Variants in CCDC171 observed in about 807,000 individuals in gnomAD.
CCDC171 encodes the protein coiled-coil domain containing 171.
Under a neutral mutation model 168.2 loss-of-function variants are expected in CCDC171, and 177 were observed. That is an observed-to-expected ratio of 1.05 (90% CI 0.93 to 1.19). The LOEUF is 1.19. CCDC171 is among the 50% of genes most tolerant of loss of function. The pLI is 0.00. For missense variants in CCDC171, 1,991 were observed against 1,539.0 expected (o/e 1.29, Z -4.91); for synonymous variants, 687 against 540.8 (o/e 1.27, Z -3.75).
At chr9:15,804,441 A>G (rs1393415679) in intron 21 of CCDC171, among the ~76,000 whole-genome samples, 2 of 144,380 alleles carry the variant, frequency 1.4e-5, no homozygotes, top group Non-Finnish European at 3.0e-5. Flanking sequence ...ACATGAAGAG[A>G]TGTTGAATTT....
At chr9:15,588,387 A>G (rs1278552274) in intron 4 of CCDC171, 4 of 268,672 alleles carry the variant, frequency 1.5e-5, no homozygotes, top group Non-Finnish European at 3.1e-5. Context: ...GGGATGCTAC[A>G]GGAGATAAAG....
the CCDC171 span, among the ~76,000 whole-genome samples, chr9:16,079,038 T>A: frequency 6.6e-6 from 1 of 152,240 alleles, no homozygotes; most frequent in African/African-American, 2.4e-5. Context: ...CTTTGTACTT[T>A]TACTGCTCTA....
intron 6 of CCDC171, among the ~76,000 whole-genome samples, chr9:16,028,491 C>T (rs1190481986): frequency 6.6e-6 from 1 of 152,146 alleles, no homozygotes; most frequent in Non-Finnish European, 1.5e-5. Flanking sequence ...ATATAAGACA[C>T]CCATATATGG....
chr9:15,862,467 G>A (rs568832812), intron 23 of CCDC171, among the ~76,000 whole-genome samples: 34 of 151,732 alleles, frequency 2.2e-4, no homozygotes, highest in South Asian at 1.0e-3. Flanking sequence ...TGAGCTTATC[G>A]ATCATTTTTA....
intron 18 of CCDC171, among the ~76,000 whole-genome samples, chr9:15,775,290 G>A (rs2057259405): frequency 2.0e-5 from 3 of 152,158 alleles, no homozygotes; most frequent in South Asian, 4.1e-4. Flanking sequence ...TTGTCATTTA[G>A]TATCACCCTT....
intron 3 of CCDC171, among the ~76,000 whole-genome samples, chr9:15,997,130 C>G (rs1365934287): frequency 6.6e-6 from 1 of 152,132 alleles, no homozygotes; most frequent in Non-Finnish European, 1.5e-5. Flanking sequence ...GCCTTCAGAC[C>G]ATGTGCTGAT....
chr9:15,902,918 C>T (rs1420794403), intron 24 of CCDC171, among the ~76,000 whole-genome samples: 7 of 152,192 alleles, frequency 4.6e-5, no homozygotes, highest in Admixed American at 2.0e-4. Flanking sequence ...CCTACACCCA[C>T]GGAGCCTCAC....
chr9:15,601,086 G>T (rs933033316), intron 6 of CCDC171, among the ~76,000 whole-genome samples: 3 of 152,210 alleles, frequency 2.0e-5, no homozygotes, highest in Non-Finnish European at 2.9e-5. Flanking sequence ...TGCCTCCTGG[G>T]GGAGGCGATG....
chr9:15,806,202 G>C (rs2059068506), intron 21 of CCDC171, among the ~76,000 whole-genome samples: 1 of 152,108 alleles, frequency 6.6e-6, no homozygotes, highest in South Asian at 2.1e-4. Flanking sequence ...GCCACTCTGT[G>C]TCTTTCAATT....
intron 11 of CCDC171, among the ~76,000 whole-genome samples, chr9:15,698,520 CAAAAA>C (rs35301658): frequency 2.8e-5 from 3 of 106,958 alleles, no homozygotes; most frequent in African/African-American, 3.4e-5. Flanking sequence ...GACCCCGTCT[CAAAAA>C]AAAAAAAAAA....
intron 18 of CCDC171, among the ~76,000 whole-genome samples, chr9:15,770,296 A>G (rs936936302): frequency 6.6e-6 from 1 of 152,232 alleles, no homozygotes; most frequent in Admixed American, 6.5e-5. Context: ...TATGTCTTCT[A>G]AAAAACTATC....
intron 23 of CCDC171, among the ~76,000 whole-genome samples, chr9:15,866,449 A>G (rs2061791179): frequency 6.6e-6 from 1 of 152,022 alleles, no homozygotes; most frequent in South Asian, 2.1e-4. Flanking sequence ...GTGGCATATG[A>G]TGATGAGAAA....
intron 4 of CCDC171, among the ~76,000 whole-genome samples, chr9:15,588,140 T>C (rs912245183): frequency 6.6e-6 from 1 of 151,754 alleles, no homozygotes; most frequent in Non-Finnish European, 1.5e-5. Context: ...GAGGCTGAGG[T>C]GGGAGAATCA....
chr9:15,731,586 A>G (rs1195325185), intron 16 of CCDC171, among the ~76,000 whole-genome samples: 1 of 152,012 alleles, frequency 6.6e-6, no homozygotes, highest in Admixed American at 6.6e-5. Context: ...CAGCACCACT[A>G]TTTGATGGAT....
the CCDC171 span, among the ~76,000 whole-genome samples, chr9:16,103,789 G>A: frequency 6.6e-6 from 1 of 152,228 alleles, no homozygotes; most frequent in African/African-American, 2.4e-5. Flanking sequence ...AGCGGCGAGG[G>A]GGGCCTGCCC....
rs998369739 is a variant in CCDC171 at position 15,844,164 on chromosome 9, G to A, written c.3268-2538G>A. Among the ~76,000 whole-genome samples, 6 of 152,016 alleles carry A rather than the reference G, an allele frequency of 3.9e-5. No individual in the cohort carries two copies. In the East Asian group the frequency reaches 7.7e-4, roughly 20 times the overall value. ...TTGTTGCCTTGTTGCCTAGAGGCGCGCCCTCTTGGTTTGTCATTCAGTTGG... is the reference window on the plus strand; with the variant it reads ...TTGTTGCCTTGTTGCCTAGAGGCGCACCCTCTTGGTTTGTCATTCAGTTGG... On this transcript the variant is annotated intron_variant, in intron 21 of 25. Transcript: ENST00000380701.
chr9:16,064,399 G>A (rs116618673), downstream of CCDC171, among the ~76,000 whole-genome samples: 241 of 152,272 alleles, frequency 1.6e-3, 1 homozygote, highest in African/African-American at 5.5e-3. Context: ...AGATAGAGGT[G>A]TGGGGAGAGG....
chr9:15,849,882 A>C (rs2061053824), intron 23 of CCDC171, among the ~76,000 whole-genome samples: 1 of 151,980 alleles, frequency 6.6e-6, no homozygotes, highest in East Asian at 1.9e-4. Flanking sequence ...TTTAAAAACA[A>C]TGGGCCCCTG....
At chr9:16,071,263 C>T in the CCDC171 span, among the ~76,000 whole-genome samples, 1 of 152,128 alleles carries the variant, frequency 6.6e-6, no homozygotes, top group Non-Finnish European at 1.5e-5. Context: ...CCTCTTTTTC[C>T]TCCACCGAGT....
Sources: allele counts gnomAD v4.1 joint callset (sites outside exome capture counted in the v4.1 genomes callset), GRCh38; gene constraint gnomAD v4.1.1; transcripts MANE v1.5; gene names NCBI Gene and HGNC (gene_info 2026-07-23, HGNC 2026-07-21).